Variants in PKIB observed in about 807,000 individuals in gnomAD.
The protein encoded by PKIB is PKI-beta.
A neutral mutation model predicts 4.5 loss-of-function variants in PKIB; 2 were observed. That is an observed-to-expected ratio of 0.44 (90% CI 0.18 to 1.39). PKIB has a LOEUF of 1.39. Ranked by LOEUF, PKIB falls within the 40% of genes most tolerant of loss-of-function variation. The pLI, the probability that PKIB is intolerant of heterozygous loss-of-function variation, is 0.27. For missense variants in PKIB, 94 were observed against 92.6 expected, an observed-to-expected ratio of 1.02 and a Z score of -0.06; for synonymous variants, 38 against 36.0, an observed-to-expected ratio of 1.06 and a Z score of -0.20.
At chr6:122,672,544 C>G (rs1363638952) in intron 2 of PKIB, among the ~76,000 whole-genome samples, 1 of 152,014 alleles carries the variant, frequency 6.6e-6, no homozygotes, top group Admixed American at 6.6e-5. Flanking sequence ...ATGTATATCA[C>G]CAAGTTTTCT....
chr6:122,554,495 T>C (rs1266335552), intron 2 of PKIB, among the ~76,000 whole-genome samples: 2 of 152,218 alleles, frequency 1.3e-5, no homozygotes, highest in African/African-American at 4.8e-5. Context: ...AATGCTTGCA[T>C]TTGAATAGTG....
At chr6:122,485,550 G>C (rs1189438500) in intron 2 of PKIB, among the ~76,000 whole-genome samples, 1 of 152,330 alleles carries the variant, frequency 6.6e-6, no homozygotes, top group East Asian at 1.9e-4. Context: ...CATCAGTCGT[G>C]TGTTACTGGA....
intron 3 of PKIB, among the ~76,000 whole-genome samples, chr6:122,588,061 C>A (rs1352824348): frequency 6.6e-6 from 1 of 152,096 alleles, no homozygotes; most frequent in Admixed American, 6.6e-5. Flanking sequence ...GCTTTTGTTG[C>A]CATTGCTTTT....
chr6:122,518,352 C>T (rs1582671297), intron 2 of PKIB, among the ~76,000 whole-genome samples: 1 of 152,056 alleles, frequency 6.6e-6, no homozygotes, highest in African/African-American at 2.4e-5. Flanking sequence ...TAAGCAGATA[C>T]TCTAATTTTA....
intron 3 of PKIB, among the ~76,000 whole-genome samples, chr6:122,703,935 TATATATAGAGAGAGAGAGAG>T (rs1344889439): frequency 3.9e-5 from 5 of 128,574 alleles, no homozygotes; most frequent in Non-Finnish European, 8.5e-5. Flanking sequence ...TATATATATA[TATATATAGAGAGAGAGAGAG>T]AGAGAGAGAG....
intron 2 of PKIB, among the ~76,000 whole-genome samples, chr6:122,568,520 G>A (rs1021401419): frequency 2.6e-5 from 4 of 152,184 alleles, no homozygotes; most frequent in African/African-American, 9.7e-5. Flanking sequence ...AGGGAGTGGT[G>A]TGCAATATAA....
intron 2 of PKIB, among the ~76,000 whole-genome samples, chr6:122,658,512 CTTCA>C (rs1226583207): frequency 6.6e-6 from 1 of 151,944 alleles, no homozygotes; most frequent in Non-Finnish European, 1.5e-5. Context: ...CACTAATTGC[CTTCA>C]TTCATTTATA....
Position 122,717,941 on chromosome 6 carries a change from G to T in PKIB, c.147G>T (p.Leu49=). ...TDGTSDLPLK[L]EALSVKEDAK... ...GAACCTCAGATTTGCCCCTCAAACT[G>T]GAGGCTCTCTCCGTGAAGGAAGGTA... The change falls in exon 4 of 5, where the codon CTG becomes CTT. Residue 49 remains leucine (L), a synonymous_variant. Transcript: ENST00000368452. 1 of 1,613,472 alleles carries T rather than the reference G, an allele frequency of 6.2e-7. No homozygotes were observed. Among genetic ancestry groups the T allele is most frequent in the East Asian group, 2.2e-5 (1 of 44,830 alleles).
At chr6:122,580,802 T>G (rs1380077856) in intron 2 of PKIB, among the ~76,000 whole-genome samples, 1 of 152,206 alleles carries the variant, frequency 6.6e-6, no homozygotes. Context: ...TGTTAATGGA[T>G]AAACGAAACA....
intron 1 of PKIB, among the ~76,000 whole-genome samples, chr6:122,613,959 C>CAAAAAA (rs67112737): frequency 6.0e-4 from 46 of 77,254 alleles, no homozygotes; most frequent in Non-Finnish European, 7.8e-4. Flanking sequence ...GAGACTCCAT[C>CAAAAAA]AAAAAAAAAA....
chr6:122,493,311 C>T (rs1308783051), intron 2 of PKIB: 1 of 152,220 alleles, frequency 6.6e-6, no homozygotes, highest in Non-Finnish European at 1.5e-5. Context: ...TGTGAGGACA[C>T]AGCTAGAAGA....
At chr6:122,669,680 T>G (rs974134924) in intron 2 of PKIB, among the ~76,000 whole-genome samples, 1 of 152,208 alleles carries the variant, frequency 6.6e-6, no homozygotes. Flanking sequence ...CCGCCTTGGC[T>G]GTTTTCCACC....
chr6:122,708,763 A>T (rs1274045926), intron 3 of PKIB, among the ~76,000 whole-genome samples: 1 of 152,036 alleles, frequency 6.6e-6, no homozygotes, highest in Non-Finnish European at 1.5e-5. Flanking sequence ...CCTCCTGAGT[A>T]ACTGGGATTA....
intron 2 of PKIB, among the ~76,000 whole-genome samples, chr6:122,528,370 G>T (rs1777157868): frequency 6.6e-6 from 1 of 152,150 alleles, no homozygotes; most frequent in African/African-American, 2.4e-5. Flanking sequence ...ATTGGACAGT[G>T]TCTTAGTAAG....
In PKIB at chr6:122,655,859, A is replaced by G. The variant is rs1397208434; in HGVS notation, c.-75-19219A>G. On this transcript the variant is annotated intron_variant, in intron 2 of 4. Coordinates refer to ENST00000368452, the MANE Select transcript of PKIB (RefSeq NM_181795.3). ...AAGGAAAAAAAGTCATTTTAGGTTTATTCTTCTATGTATAAAATACTGAGA... is the reference window on the plus strand; with the variant it reads ...AAGGAAAAAAAGTCATTTTAGGTTTGTTCTTCTATGTATAAAATACTGAGA... Among the ~76,000 whole-genome samples the G allele has an allele frequency of 2.6e-5, 4 of 152,236 alleles. No homozygotes were observed. In the South Asian group the frequency reaches 6.2e-4, roughly 24 times the overall value.
chr6:122,726,300 G>C lies in PKIB; in HGVS notation c.*1105G>C, dbSNP rs924198515. 6.6e-6 allele frequency: 1 copy of C among 151,780 alleles called. No homozygotes were observed. The highest frequency in any genetic ancestry group is 1.5e-5 in the Non-Finnish European group (1 of 67,886). The allele number at this position is 151,780 out of a possible 1,614,324, so 9.4% of individuals were successfully genotyped here. Reference sequence around the variant, plus strand: ...ATATGCATGCAGTTATGTTTTATTTGATTGTTGACTTAGGCTATGTCTGTA... The same window carrying C: ...ATATGCATGCAGTTATGTTTTATTTCATTGTTGACTTAGGCTATGTCTGTA... On this transcript the variant is annotated 3_prime_UTR_variant, in exon 5 of 5. Transcript: ENST00000368452.
chr6:122,512,580 A>G (rs1776617604), intron 2 of PKIB, among the ~76,000 whole-genome samples: 1 of 152,172 alleles, frequency 6.6e-6, no homozygotes, highest in African/African-American at 2.4e-5. Flanking sequence ...CCACCTGTCC[A>G]TAGTTAGCTT....
rs61025863 is a variant in PKIB at position 122,551,874 on chromosome 6, C to CTTT, written c.-247-34024_-247-34022dup. 2.1e-3 allele frequency among the ~76,000 whole-genome samples: 184 copies of CTTT among 87,504 alleles called. 1 individual carries two copies. Among genetic ancestry groups the CTTT allele is most frequent in the African/African-American group, 7.0e-3 (165 of 23,522 alleles). The allele number at this position is 87,504 out of a possible 152,430, so 57.4% of individuals were successfully genotyped here. On this transcript the variant is annotated intron_variant, in intron 2 of 6. Coordinates refer to the PKIB transcript ENST00000392491. ...GGAAGGAATCTTTGACTTAGTACATCTTTTTTTTTTTTTTTTTTTTTTTTT... is the reference window on the plus strand; with the variant it reads ...GGAAGGAATCTTTGACTTAGTACATCTTTTTTTTTTTTTTTTTTTTTTTTTTTT...
intron 3 of PKIB, among the ~76,000 whole-genome samples, chr6:122,681,448 T>C (rs975961544): frequency 6.6e-6 from 1 of 152,210 alleles, no homozygotes; most frequent in Non-Finnish European, 1.5e-5. Context: ...TGAGTTTTGC[T>C]CATATACAAT....
Sources: allele counts gnomAD v4.1 joint callset (sites outside exome capture counted in the v4.1 genomes callset), GRCh38; gene constraint gnomAD v4.1.1; transcripts MANE v1.5; gene names NCBI Gene and HGNC (gene_info 2026-07-23, HGNC 2026-07-21).